The following PACRG variants were observed in gnomAD, a reference collection of about 807,000 sequenced individuals.
The protein encoded by PACRG is parkin coregulated gene protein.
Under a neutral mutation model 29.7 loss-of-function variants are expected in PACRG, and 29 were observed. That is an observed-to-expected ratio of 0.98 (90% CI 0.73 to 1.33). The LOEUF (loss-of-function observed/expected upper bound fraction) is 1.33, where lower values mean the gene tolerates loss of function less well. Among genes scored for constraint, PACRG ranks in the 40% most tolerant of loss-of-function variants. PACRG has a pLI of 0.00. For missense variants in PACRG, 279 were observed against 316.2 expected (o/e 0.88, Z 0.89); for synonymous variants, 116 against 118.7 (o/e 0.98, Z 0.15).
chr6:163,168,796 G>A (rs1229938686), intron 4 of PACRG, among the ~76,000 whole-genome samples: 1 of 152,130 alleles, frequency 6.6e-6, no homozygotes, highest in Non-Finnish European at 1.5e-5. Flanking sequence ...AATTTTTGAA[G>A]TGTTAAATAT....
intron 2 of PACRG, among the ~76,000 whole-genome samples, chr6:162,955,034 A>T (rs997314776): frequency 2.6e-5 from 4 of 152,222 alleles, no homozygotes; most frequent in Admixed American, 2.0e-4. Context: ...TTATGTAGAC[A>T]TAACCATTAC....
At chr6:162,845,208 CAG>C (rs60719293) in intron 2 of PACRG, among the ~76,000 whole-genome samples, 400 of 152,196 alleles carry the variant, frequency 2.6e-3, no homozygotes, top group African/African-American at 9.1e-3. Flanking sequence ...AAAAATACTT[CAG>C]ACAAAATACT....
intron 2 of PACRG, among the ~76,000 whole-genome samples, chr6:163,056,013 G>T (rs1810558087): frequency 6.6e-6 from 1 of 152,200 alleles, no homozygotes; most frequent in African/African-American, 2.4e-5. Context: ...TGTATCAGAT[G>T]CTCCACATCC....
chr6:163,070,832 G>A (rs1398682070), intron 3 of PACRG, among the ~76,000 whole-genome samples: 1 of 150,722 alleles, frequency 6.6e-6, no homozygotes, highest in Admixed American at 6.6e-5. Flanking sequence ...GAAGACACAC[G>A]TAGACTGAAA....
chr6:163,177,333 C>A (rs978021996), intron 4 of PACRG, among the ~76,000 whole-genome samples: 1 of 152,098 alleles, frequency 6.6e-6, no homozygotes, highest in South Asian at 2.1e-4. Context: ...CCTCTGTTTT[C>A]GAGCATGTCC....
chr6:163,018,247 T>C (rs1193763369), intron 2 of PACRG, among the ~76,000 whole-genome samples: 4 of 152,184 alleles, frequency 2.6e-5, no homozygotes, highest in Non-Finnish European at 5.9e-5. Flanking sequence ...TTTACTACTG[T>C]AGCTACACTA....
chr6:162,925,190 A>G (rs1275257130), intron 2 of PACRG, among the ~76,000 whole-genome samples: 1 of 152,170 alleles, frequency 6.6e-6, no homozygotes, highest in Non-Finnish European at 1.5e-5. Context: ...CCAACCATTA[A>G]AAGTCCAGGA....
intron 4 of PACRG, chr6:163,095,595 C>A: frequency 1.0e-5 from 3 of 292,794 alleles, no homozygotes; most frequent in Non-Finnish European, 1.5e-5. Context: ...CTTCCTGCTG[C>A]TTCTAGCTTC....
At chr6:163,200,421 C>T (rs543807928) in intron 4 of PACRG, among the ~76,000 whole-genome samples, 24 of 152,172 alleles carry the variant, frequency 1.6e-4, no homozygotes, top group Admixed American at 2.0e-4. Context: ...ATGATCTAGA[C>T]CATTTGCGTG....
At chr6:162,957,338 T>C in intron 2 of PACRG, 1 of 607,980 alleles carries the variant, frequency 1.6e-6, no homozygotes, top group Non-Finnish European at 2.9e-6. Context: ...TTAGCACTCA[T>C]GGAACCACCA....
intron 4 of PACRG, among the ~76,000 whole-genome samples, chr6:163,156,053 G>A (rs935072454): frequency 6.6e-6 from 1 of 152,204 alleles, no homozygotes; most frequent in African/African-American, 2.4e-5. Context: ...GCTCTCCTGA[G>A]GAAGCCCTCG....
intron 4 of PACRG, among the ~76,000 whole-genome samples, chr6:163,104,429 C>A (rs1432000816): frequency 1.3e-5 from 2 of 152,078 alleles, no homozygotes; most frequent in Non-Finnish European, 2.9e-5. Flanking sequence ...ATAGCTCAGA[C>A]TGGGTAATTT....
At position 163,062,353 on chromosome 6, in the gene PACRG, T is replaced by C. The variant is rs200140243; in HGVS notation, c.463+32T>C. 536 of 1,581,632 alleles carry C rather than the reference T, an allele frequency of 3.4e-4. 4 individuals carry two copies. In the Middle Eastern group the frequency reaches 7.3e-3, roughly 21 times the overall value. ...GAACCGGTGAAAAAGCATCACTCAG[T>C]TTATACGGTGTTGCTTTTTGACAAC... On this transcript the variant is annotated intron_variant, in intron 3 of 4. Coordinates refer to ENST00000366888, the MANE Select transcript of PACRG (RefSeq NM_001080379.2).
chr6:163,077,664 T>C (rs1453054083), intron 3 of PACRG, among the ~76,000 whole-genome samples: 3 of 152,238 alleles, frequency 2.0e-5, no homozygotes, highest in Non-Finnish European at 4.4e-5. Context: ...ATTCTGAACG[T>C]GATCATAATT....
chr6:163,255,538 G>C (rs1783071853), intron 4 of PACRG, among the ~76,000 whole-genome samples: 1 of 152,298 alleles, frequency 6.6e-6, no homozygotes, highest in African/African-American at 2.4e-5. Context: ...GTCAGCAGGT[G>C]GGCAGCCAGG....
At chr6:163,095,329 T>C in intron 4 of PACRG, 1 of 985,348 alleles carries the variant, frequency 1.0e-6, no homozygotes, top group Non-Finnish European at 1.2e-6. Context: ...TGCTCTTCTC[T>C]GTAGACCTCC....
chr6:162,886,444 A>G (rs890287638), intron 2 of PACRG, among the ~76,000 whole-genome samples: 3 of 152,160 alleles, frequency 2.0e-5, no homozygotes, highest in African/African-American at 7.2e-5. Flanking sequence ...TGTGGACTTG[A>G]TGAAATCTTA....
At chr6:163,186,228 G>A (rs763847598) in intron 4 of PACRG, among the ~76,000 whole-genome samples, 11 of 152,178 alleles carry the variant, frequency 7.2e-5, no homozygotes, top group Non-Finnish European at 1.6e-4. Context: ...GAGCCAAGGG[G>A]TGGACCCCAA....
chr6:162,928,436 A>G (rs1797609615), intron 2 of PACRG, among the ~76,000 whole-genome samples: 2 of 151,852 alleles, frequency 1.3e-5, no homozygotes, highest in African/African-American at 4.8e-5. Flanking sequence ...GGTTTTTTTC[A>G]TAATTTTAAA....
Sources: allele counts gnomAD v4.1 joint callset (sites outside exome capture counted in the v4.1 genomes callset), GRCh38; gene constraint gnomAD v4.1.1; transcripts MANE v1.5; gene names NCBI Gene and HGNC (gene_info 2026-07-23, HGNC 2026-07-21).